Variants in PCDHA10 observed in about 807,000 individuals in gnomAD.
PCDHA10 encodes protocadherin alpha-10.
A neutral mutation model predicts 61.2 loss-of-function variants in PCDHA10; 45 were observed. That is an observed-to-expected ratio of 0.74 (90% CI 0.58 to 0.94). The LOEUF (loss-of-function observed/expected upper bound fraction) is 0.94, where lower values mean the gene tolerates loss of function less well. Among genes scored for constraint, PCDHA10 ranks in the 40% least tolerant of loss-of-function variants. The probability of loss-of-function intolerance (pLI) is 0.00; values close to 1 mark genes in which losing one functional copy is unlikely to be tolerated. For synonymous variants in PCDHA10, 602 were observed against 548.8 expected (o/e 1.10, Z -1.35); for missense variants, 1,278 against 1,236.2 (o/e 1.03, Z -0.51).
chr5:140,869,552 C>G lies in PCDHA10; in HGVS notation c.2388+11116C>G, dbSNP rs537127263. ...ATTGCGGAATCTAAGCAATCGGACT[C>G]GCGTTTTCCACTAGAGGGAGCTTCT... On this transcript the variant is annotated intron_variant, in intron 1 of 3. Transcript: ENST00000307360. 12 of 1,614,022 alleles carry G rather than the reference C, an allele frequency of 7.4e-6. No homozygotes were observed. The African/African-American group carries it at 1.5e-4, about 20-fold the overall frequency.
chr5:140,898,161 T>G (rs1208656854), intron 1 of PCDHA10, among the ~76,000 whole-genome samples: 1 of 152,216 alleles, frequency 6.6e-6, no homozygotes, highest in Non-Finnish European at 1.5e-5. Context: ...CTGATGGTGG[T>G]TTCTTTTGCT....
At chr5:140,969,145 C>T (rs782791096) in intron 1 of PCDHA10, 1 of 1,614,168 alleles carries the variant, frequency 6.2e-7, no homozygotes, top group South Asian at 1.1e-5. Context: ...CCTACTGCTA[C>T]AAGGCCTGTC....
At chr5:140,980,475 C>G (rs538255137) in intron 2 of PCDHA10, among the ~76,000 whole-genome samples, 10 of 152,148 alleles carry the variant, frequency 6.6e-5, no homozygotes, top group African/African-American at 2.2e-4. Context: ...ACTAAAAATA[C>G]AAAAATTAGC....
intron 1 of PCDHA10, chr5:140,869,865 T>C (rs782263076): frequency 6.2e-7 from 1 of 1,610,308 alleles, no homozygotes; most frequent in Non-Finnish European, 8.5e-7. Context: ...TTATGGAAAA[T>C]GCTGCTAAAG....
Position 140,857,725 on chromosome 5 carries a change from C to T in PCDHA10, c.1677C>T (p.Asp559=). Residue 559 remains aspartate, a synonymous_variant, in exon 1 of 4, where the codon GAC becomes GAT. Coordinates refer to ENST00000307360, the MANE Select transcript of PCDHA10 (RefSeq NM_018901.4). ...TLQVFVLDEN[D]NAPALLASPA... is the part of the protein sequence containing the mutation. ...AGGTGTTCGTGCTGGACGAGAACGA[C>T]AACGCTCCCGCGCTGCTGGCGTCTC... The T allele has an allele frequency of 6.3e-7, 1 of 1,597,502 alleles. No homozygotes were observed. Among genetic ancestry groups the T allele is most frequent in the Non-Finnish European group, 8.6e-7 (1 of 1,167,732 alleles).
At position 140,927,327 on chromosome 5, in the gene PCDHA10, C is replaced by T. The variant is rs781793681; in HGVS notation, c.2389-51622C>T. On this transcript the variant is annotated intron_variant, in intron 1 of 3. Coordinates refer to ENST00000307360, the MANE Select transcript of PCDHA10 (RefSeq NM_018901.4). ...TGACGCCCGGAGCCCGCTTTACTCT[C>T]CCGAATGCCCAAGATGACGACGAGG... 8.5e-5 allele frequency: 137 copies of T among 1,614,206 alleles called. No individual in the cohort carries two copies. In the Middle Eastern group the frequency reaches 3.6e-3, roughly 43 times the overall value.
At chr5:141,003,517 T>C (rs538562882) in intron 3 of PCDHA10, among the ~76,000 whole-genome samples, 1 of 152,238 alleles carries the variant, frequency 6.6e-6, no homozygotes, top group East Asian at 1.9e-4. Context: ...TTCACCATGT[T>C]CCCTAGGCTG....
intron 1 of PCDHA10, among the ~76,000 whole-genome samples, chr5:140,920,124 G>A (rs1261931835): frequency 2.6e-5 from 4 of 152,152 alleles, no homozygotes; most frequent in African/African-American, 4.8e-5. Flanking sequence ...AACATCTTGA[G>A]TTTTAATTCT....
At chr5:140,965,521 G>T (rs1554227745) in intron 1 of PCDHA10, among the ~76,000 whole-genome samples, 1 of 150,834 alleles carries the variant, frequency 6.6e-6, no homozygotes, top group African/African-American at 2.4e-5. Flanking sequence ...TAACTGCAAA[G>T]CATTAATGGA....
chr5:140,865,755 A>C (rs1390578535), intron 1 of PCDHA10: 1 of 152,226 alleles, frequency 6.6e-6, no homozygotes, highest in Non-Finnish European at 1.5e-5. Flanking sequence ...GTGCCAGTAC[A>C]TGGTGGAGAT....
At chr5:140,931,440 AT>A (rs2153608083) in intron 1 of PCDHA10, among the ~76,000 whole-genome samples, 1 of 141,482 alleles carries the variant, frequency 7.1e-6, no homozygotes, top group South Asian at 2.3e-4. Flanking sequence ...AAAATTAGCT[AT>A]TTAAAAGGAA....
chr5:140,877,094 G>C, intron 1 of PCDHA10: 1 of 1,613,310 alleles, frequency 6.2e-7, no homozygotes, highest in Non-Finnish European at 8.5e-7. Flanking sequence ...CGCGACGCCG[G>C]CGTGCCGCCT....
chr5:140,962,939 C>CA (rs2095722674), intron 1 of PCDHA10, among the ~76,000 whole-genome samples: 1 of 152,134 alleles, frequency 6.6e-6, no homozygotes, highest in African/African-American at 2.4e-5. Context: ...ACCTCCTCTC[C>CA]ATAAGATATG....
At chr5:140,996,884 A>T (rs1411027110) in intron 3 of PCDHA10, among the ~76,000 whole-genome samples, 1 of 152,186 alleles carries the variant, frequency 6.6e-6, no homozygotes, top group African/African-American at 2.4e-5. Flanking sequence ...TGTATTTTTA[A>T]ATAAAATAGA....
intron 1 of PCDHA10, chr5:140,871,449 G>A: frequency 6.2e-7 from 1 of 1,608,762 alleles, no homozygotes; most frequent in Non-Finnish European, 8.5e-7. Context: ...TGAATAAAGA[G>A]GAGGAAGGGG....
At chr5:140,969,284 G>T (rs782449740) in intron 1 of PCDHA10, 1 of 1,614,216 alleles carries the variant, frequency 6.2e-7, no homozygotes, top group Non-Finnish European at 8.5e-7. Flanking sequence ...TGGTCAGAAT[G>T]CTGGGAACCT....
intron 1 of PCDHA10, among the ~76,000 whole-genome samples, chr5:140,924,229 T>G (rs543275737): frequency 6.6e-6 from 1 of 152,258 alleles, no homozygotes; most frequent in Non-Finnish European, 1.5e-5. Flanking sequence ...TCAATTTTTA[T>G]GGGCTGTTTT....
At chr5:141,003,052 A>G (rs782531629) in intron 3 of PCDHA10, among the ~76,000 whole-genome samples, 17 of 152,230 alleles carry the variant, frequency 1.1e-4, no homozygotes, top group Non-Finnish European at 1.9e-4. Context: ...CCTTAACAGA[A>G]CAGTTCCAAA....
rs568789486 is a variant in PCDHA10 at position 140,896,494 on chromosome 5, C to G, written c.2388+38058C>G. 6.6e-5 allele frequency among the ~76,000 whole-genome samples: 10 copies of G among 151,966 alleles called. No individual in the cohort carries two copies. In the East Asian group the frequency reaches 1.9e-3, roughly 29 times the overall value. On this transcript the variant is annotated intron_variant, in intron 1 of 3. Coordinates refer to ENST00000307360, the MANE Select transcript of PCDHA10 (RefSeq NM_018901.4). The stretch of plus-strand genomic sequence containing the variant: ...TCTCCTGCCTCAGCCTCCTGAGTAG[C>G]TGGGACTGTGCAGGCACACACCACA...
Sources: allele counts gnomAD v4.1 joint callset (sites outside exome capture counted in the v4.1 genomes callset), GRCh38; gene constraint gnomAD v4.1.1; transcripts MANE v1.5; gene names NCBI Gene and HGNC (gene_info 2026-07-23, HGNC 2026-07-21).